NOM1: variants seen among roughly 807,000 people sequenced by gnomAD.
NOM1 encodes the protein nucleolar protein with MIF4G domain 1.
Under a neutral mutation model 73.3 loss-of-function variants are expected in NOM1, and 58 were observed. The ratio of observed to expected loss-of-function variants is 0.79; its 90% CI spans 0.64 to 0.99. The LOEUF (loss-of-function observed/expected upper bound fraction) is 0.99, where lower values mean the gene tolerates loss of function less well. NOM1 is among the 50% of genes least tolerant of loss of function. The pLI is 0.00. For synonymous variants in NOM1, 487 were observed against 446.8 expected (o/e 1.09, Z -1.14); for missense variants, 1,226 against 1,131.9 (o/e 1.08, Z -1.19).
At position 156,969,899 on chromosome 7, in the gene NOM1, G is replaced by T; in HGVS notation, c.*196G>T. The T allele has an allele frequency of 2.1e-6, 1 of 477,948 alleles. No homozygotes were observed. The highest frequency in any genetic ancestry group is 3.5e-6 in the Non-Finnish European group (1 of 283,054). The allele number at this position is 477,948 out of a possible 1,614,324, so 29.6% of individuals were successfully genotyped here. A position where few individuals can be genotyped will look rare whatever the true frequency, so the allele number is the denominator to read the frequency against. On this transcript the variant is annotated 3_prime_UTR_variant, in exon 11 of 11. Transcript: ENST00000275820. ...AGCCATTTTCAAATAACTATCTTGG[G>T]GGTGAGAGGAGAAGGAGGGAGGGAA...
chr7:156,972,319 C>G lies in NOM1; in HGVS notation c.*2616C>G, dbSNP rs1448251884. Reference sequence around the variant, plus strand: ...AAAACTATCACGACAGTGGCACCACCTGATTTCATGATGTACCATATGCAG... The same window carrying G: ...AAAACTATCACGACAGTGGCACCACGTGATTTCATGATGTACCATATGCAG... On this transcript the variant is annotated 3_prime_UTR_variant, in exon 11 of 11. Coordinates refer to ENST00000275820, the MANE Select transcript of NOM1 (RefSeq NM_138400.2). The G allele has an allele frequency of 6.6e-6, 1 of 152,188 alleles. No individual in the cohort carries two copies. Among genetic ancestry groups the G allele is most frequent in the African/African-American group, 2.4e-5 (1 of 41,422 alleles). 9.4% of individuals were successfully genotyped at this position (152,188 alleles called of 1,614,324 possible). A position where few individuals can be genotyped will look rare whatever the true frequency, so the allele number is the denominator to read the frequency against.
At chr7:156,959,433 G>A (rs1407669364) in intron 3 of NOM1, among the ~76,000 whole-genome samples, 3 of 152,112 alleles carry the variant, frequency 2.0e-5, no homozygotes, top group African/African-American at 7.2e-5. Flanking sequence ...GTAGAAACGG[G>A]GTTTCACCGT....
At position 156,962,040 on chromosome 7, in the gene NOM1, C is replaced by T. The variant is rs1220174739; in HGVS notation, c.1633-111C>T. 6 of 801,258 alleles carry T rather than the reference C, an allele frequency of 7.5e-6. No homozygotes were observed. In the East Asian group the frequency reaches 1.0e-4, roughly 13 times the overall value. The allele number at this position is 801,258 out of a possible 1,614,324, so 49.6% of individuals were successfully genotyped here. A position where few individuals can be genotyped will look rare whatever the true frequency, so the allele number is the denominator to read the frequency against. On this transcript the variant is annotated intron_variant, in intron 4 of 10. Transcript: ENST00000275820. ...CCTAAAGGCTGTCCTGACTTTGTATCGTGGCGGTGGCGGCCATGTGCATCA... is the reference window on the plus strand; with the variant it reads ...CCTAAAGGCTGTCCTGACTTTGTATTGTGGCGGTGGCGGCCATGTGCATCA...
intron 7 of NOM1, chr7:156,966,028 G>C: frequency 1.9e-6 from 1 of 522,284 alleles, no homozygotes; most frequent in South Asian, 2.9e-5. Flanking sequence ...TTGCAGCGAC[G>C]GGGGACCCCC....
In NOM1 at chr7:156,952,544, A is replaced by G. The variant is rs753370346; in HGVS notation, c.1058A>G (p.Lys353Arg). Reference sequence around the variant, plus strand: ...CAAGCTGAGGAGACAGTGGACTTCAAGAAAAAGGAAGAACTAGAAAGGCTG... The same window carrying G: ...CAAGCTGAGGAGACAGTGGACTTCAGGAAAAAGGAAGAACTAGAAAGGCTG... ...VRQAEETVDFKKKEELERLKK... is the reference protein window; with the variant it reads ...VRQAEETVDFRKKEELERLKK... Residue 353 changes from lysine (K) to arginine (R), a missense_variant, in exon 2 of 11, where the codon AAG (lysine) becomes AGG (arginine). Lys to Arg is a conservative substitution (Grantham distance 26, BLOSUM62 2). Coordinates refer to ENST00000275820, the MANE Select transcript of NOM1 (RefSeq NM_138400.2). The G allele has an allele frequency of 5.5e-5, 89 of 1,614,036 alleles. No individual in the cohort carries two copies. The highest frequency in any genetic ancestry group is 7.0e-5 in the Non-Finnish European group (83 of 1,180,014).
intron 9 of NOM1, among the ~76,000 whole-genome samples, chr7:156,968,532 G>A (rs988558692): frequency 1.3e-5 from 2 of 152,052 alleles, no homozygotes; most frequent in Admixed American, 6.6e-5. Context: ...GTGGGTCCAC[G>A]TTGGCGCCCG....
At chr7:156,954,320 AGGCT>A in intron 3 of NOM1, 22 bp downstream of exon 3, 5 of 1,556,290 alleles carry the variant, frequency 3.2e-6, no homozygotes, top group Non-Finnish European at 4.3e-6. Flanking sequence ...CCTTTTCTCC[AGGCT>A]GTCACTAGTG....
chr7:156,949,784 A>T lies in NOM1; in HGVS notation c.47A>T (p.Gln16Leu). 1 of 1,409,176 alleles carries T rather than the reference A, an allele frequency of 7.1e-7. No homozygotes were observed. The highest frequency in any genetic ancestry group is 3.2e-5 in the Admixed American group (1 of 31,230). The allele number at this position is 1,409,176 out of a possible 1,614,324, so 87.3% of individuals were successfully genotyped here. A position where few individuals can be genotyped will look rare whatever the true frequency, so the allele number is the denominator to read the frequency against. The change falls in exon 1 of 11, where the codon CAG (glutamine) becomes CTG (leucine). Residue 16 changes from glutamine (Q) to leucine (L), a missense_variant. Gln to Leu is a moderately radical substitution (Grantham distance 113). Coordinates refer to ENST00000275820, the MANE Select transcript of NOM1 (RefSeq NM_138400.2). ...GGAGAGGCCGGCCCGGGCGGCTCCCAGGGACGCGTGGTCCGCATGAAGCGC... is the reference window on the plus strand; with the variant it reads ...GGAGAGGCCGGCCCGGGCGGCTCCCTGGGACGCGTGGTCCGCATGAAGCGC... ...SAGEAGPGGS[Q>L]GRVVRMKRRG...
chr7:156,957,602 C>T (rs1297296470), intron 3 of NOM1, among the ~76,000 whole-genome samples: 5 of 151,724 alleles, frequency 3.3e-5, no homozygotes, highest in African/African-American at 9.7e-5. Flanking sequence ...GGTGAAACCC[C>T]GTTTCTACTA....
At position 156,969,827 on chromosome 7, in the gene NOM1, A is replaced by T. The variant is rs1316935468; in HGVS notation, c.*124A>T. On this transcript the variant is annotated 3_prime_UTR_variant, in exon 11 of 11. Transcript: ENST00000275820. ...CTATATCATTGTCTGTTAATGTATT[A>T]TATTTTGAGATTTTTTTTGATCTAA... 1.1e-6 allele frequency: 1 copy of T among 913,814 alleles called. No individual in the cohort carries two copies. The highest frequency in any genetic ancestry group is 1.7e-5 in the African/African-American group (1 of 58,482). The allele number at this position is 913,814 out of a possible 1,614,324, so 56.6% of individuals were successfully genotyped here.
At chr7:156,953,860 C>T (rs1173290014) in intron 2 of NOM1, among the ~76,000 whole-genome samples, 5 of 152,190 alleles carry the variant, frequency 3.3e-5, no homozygotes, top group Non-Finnish European at 7.3e-5. Context: ...GGGTATGCCT[C>T]AGTGTGGCCA....
At chr7:156,963,470 C>T (rs1253231455) in intron 6 of NOM1, 2 of 488,116 alleles carry the variant, frequency 4.1e-6, no homozygotes, top group East Asian at 3.8e-5. Flanking sequence ...TGAGACCCCT[C>T]AGGCTGCCCC....
chr7:156,963,125 A>G lies in NOM1; in HGVS notation c.1861A>G (p.Met621Val). ...GGGGTCCGCCTGGAGTGGGGCCCCG[A>G]TGATCGACAACAGTCACCATACGCA... ...IVGSAWSGAP[M>V]IDNSHHTHLQ... is the part of the protein sequence containing the mutation. Residue 621 changes from methionine to valine, a missense_variant, in exon 6 of 11, where the codon ATG (methionine) becomes GTG (valine). Transcript: ENST00000275820. 4 of 1,614,086 alleles carry G rather than the reference A, an allele frequency of 2.5e-6. No homozygotes were observed. Among genetic ancestry groups the G allele is most frequent in the Non-Finnish European group, 3.4e-6 (4 of 1,180,034 alleles).
Position 156,972,469 on chromosome 7 carries a change from G to C in NOM1, c.*2766G>C, listed in dbSNP as rs1403538464. On this transcript the variant is annotated 3_prime_UTR_variant, in exon 11 of 11. Transcript: ENST00000275820. ...ACCTCTCTTTGCTAGAGAGTTATATGTATGACTTAAATTATTAGCTATGGT... is the reference window on the plus strand; with the variant it reads ...ACCTCTCTTTGCTAGAGAGTTATATCTATGACTTAAATTATTAGCTATGGT... The C allele has an allele frequency of 5.3e-5, 8 of 152,134 alleles. No individual in the cohort carries two copies. The allele number at this position is 152,134 out of a possible 1,614,324, so 9.4% of individuals were successfully genotyped here. A position where few individuals can be genotyped will look rare whatever the true frequency, so the allele number is the denominator to read the frequency against.
In NOM1 at chr7:156,954,033, T is replaced by G. The variant is rs58846177; in HGVS notation, c.1113-70T>G. 6.5e-6 allele frequency: 9 copies of G among 1,387,206 alleles called. No individual in the cohort carries two copies. In the East Asian group the frequency reaches 1.6e-4, roughly 25 times the overall value. The allele number at this position is 1,387,206 out of a possible 1,614,324, so 85.9% of individuals were successfully genotyped here. A position where few individuals can be genotyped will look rare whatever the true frequency, so the allele number is the denominator to read the frequency against. On this transcript the variant is annotated intron_variant, in intron 2 of 10. Transcript: ENST00000275820. ...ATTGTTGGTATGGATAACTCTTTAA[T>G]TTTTTAAAATTGAACTGAAAATTCC... is the stretch of plus-strand genomic sequence containing the variant.
intron 9 of NOM1, among the ~76,000 whole-genome samples, chr7:156,967,744 G>T (rs886523182): frequency 6.6e-6 from 1 of 152,130 alleles, no homozygotes; most frequent in Non-Finnish European, 1.5e-5. Context: ...AAGCTGGTCT[G>T]GAACCCCTGA....
intron 9 of NOM1, among the ~76,000 whole-genome samples, chr7:156,967,399 G>T (rs1336986247): frequency 1.3e-5 from 2 of 152,200 alleles, no homozygotes; most frequent in African/African-American, 4.8e-5. Flanking sequence ...GGAGAAGGGC[G>T]GATGAAGTAG....
At position 156,959,853 on chromosome 7, in the gene NOM1, C is replaced by A; in HGVS notation, c.1311C>A (p.Val437=). The A allele has an allele frequency of 6.2e-7, 1 of 1,613,746 alleles. No homozygotes were observed. Among genetic ancestry groups the A allele is most frequent in the South Asian group, 1.1e-5 (1 of 91,044 alleles). Residue 437 remains valine (V), a splice_region_variant and synonymous_variant, in exon 4 of 11, where the codon GTC becomes GTA. Coordinates refer to ENST00000275820, the MANE Select transcript of NOM1 (RefSeq NM_138400.2). ...TTTTTTCTGTGTGGTTCTTTCAGGT[C>A]GGTGCCCACTTTCTGGAGGCAGTGG... The part of the protein sequence containing the change: ...SILHHTVGIE[V]GAHFLEAVVR...
rs139965385 is a variant in NOM1, at chr7:156,956,897, T to G, written c.1308+2599T>G. Among the ~76,000 whole-genome samples, 105 of 152,328 alleles carry G rather than the reference T, an allele frequency of 6.9e-4. 1 individual carries two copies. In the East Asian group the frequency reaches 0.017, roughly 25 times the overall value. On this transcript the variant is annotated intron_variant, in intron 3 of 10. Transcript: ENST00000275820. ...TTCTGTGACTTTCTTGGTACCTCCC[T>G]GTCCTCCTAGAGGACACTGGTATGC...
Sources: allele counts gnomAD v4.1 joint callset (sites outside exome capture counted in the v4.1 genomes callset), GRCh38; gene constraint gnomAD v4.1.1; transcripts MANE v1.5; gene names NCBI Gene and HGNC (gene_info 2026-07-23, HGNC 2026-07-21).